Variants in SYT17 observed in about 807,000 individuals in gnomAD.
SYT17 encodes synaptotagmin-17.
SYT17 carries 22 observed loss-of-function variants against 46.7 expected under a neutral mutation model. The observed-to-expected ratio is 0.47, with a 90% CI of 0.34 to 0.67. The LOEUF (loss-of-function observed/expected upper bound fraction) is 0.67. Ranked by LOEUF, SYT17 falls within the 30% of genes least tolerant of loss-of-function variation. SYT17 has a pLI of 0.01. For missense variants in SYT17, 519 were observed against 612.8 expected (o/e 0.85, Z 1.62); for synonymous variants, 251 against 248.4 (o/e 1.01, Z -0.10).
rs140419355 is a variant in SYT17, at chr16:19,181,447, C to G, written c.331+908C>G. Among the ~76,000 whole-genome samples, 117 of 148,164 alleles carry G rather than the reference C, an allele frequency of 7.9e-4. No individual in the cohort carries two copies. In the East Asian group the frequency reaches 8.2e-3, roughly 10 times the overall value. ...GGAGATCATTGGTGTCCAACCTTTC[C>G]TGGGGATAGAGGGAAAAGAAAAAAG... On this transcript the variant is annotated intron_variant, in intron 4 of 7. Transcript: ENST00000355377.
chr16:19,172,677 T>C, intron 1 of SYT17, 83 bp from the exon 2 acceptor site: 1 of 1,591,652 alleles, frequency 6.3e-7, no homozygotes, highest in South Asian at 1.2e-5. Context: ...TGCTGGAATA[T>C]TGCTAAACTG....
chr16:19,246,680 CTCTTT>C (rs1967600987), intron 7 of SYT17, among the ~76,000 whole-genome samples: 1 of 152,186 alleles, frequency 6.6e-6, no homozygotes, highest in African/African-American at 2.4e-5. Context: ...TATCTCTACT[CTCTTT>C]TGTTAGCATC....
chr16:19,195,882 G>A (rs1965220835), intron 5 of SYT17, among the ~76,000 whole-genome samples: 1 of 152,110 alleles, frequency 6.6e-6, no homozygotes, highest in Non-Finnish European at 1.5e-5. Context: ...CAACTCGGGA[G>A]GCTAAGGTGG....
In SYT17 at chr16:19,183,699, G is replaced by C; in HGVS notation, c.503G>C (p.Ser168Thr). Residue 168 changes from serine (S) to threonine (T), a missense_variant, in exon 5 of 8, where the codon AGC (serine) becomes ACC (threonine). Physicochemically the swap from Ser to Thr is moderately conservative, Grantham distance 58. Transcript: ENST00000355377. The surrounding 1 kb of genome is among the most constrained non-coding windows in gnomAD (Gnocchi z 5.6). ...CACCTGTACTCCCTCGACTCCAACA[G>C]CGACGATGTGGACTCTCTGACAGAC... ...EPHLYSLDSN[S>T]DDVDSLTDEE... 6.2e-7 allele frequency: 1 copy of C among 1,614,198 alleles called. No individual in the cohort carries two copies. The highest frequency in any genetic ancestry group is 2.2e-5 in the East Asian group (1 of 44,878).
chr16:19,202,888 G>C (rs1268977927), intron 5 of SYT17, among the ~76,000 whole-genome samples: 1 of 152,116 alleles, frequency 6.6e-6, no homozygotes, highest in Non-Finnish European at 1.5e-5. Flanking sequence ...ACCATGCCTT[G>C]CTAATTTTTT....
At chr16:19,227,608 C>T (rs552471606) in intron 7 of SYT17, among the ~76,000 whole-genome samples, 11 of 152,276 alleles carry the variant, frequency 7.2e-5, no homozygotes, top group Admixed American at 2.6e-4. Context: ...TGAGCCACCA[C>T]GCCTGGCCTA....
chr16:19,191,540 C>T (rs769326327), intron 5 of SYT17, among the ~76,000 whole-genome samples: 16 of 152,104 alleles, frequency 1.1e-4, no homozygotes, highest in African/African-American at 2.4e-4. Flanking sequence ...GTTTTCAAGC[C>T]GCCCAGTTGA....
chr16:19,186,584 C>T (rs548732039), intron 5 of SYT17, among the ~76,000 whole-genome samples: 10 of 152,362 alleles, frequency 6.6e-5, no homozygotes, highest in Middle Eastern at 3.4e-3. Context: ...CCGTCACACT[C>T]GGGCTTCCAG....
At chr16:19,244,864 C>G (rs1408587736) in intron 7 of SYT17, among the ~76,000 whole-genome samples, 1 of 152,142 alleles carries the variant, frequency 6.6e-6, no homozygotes, top group Non-Finnish European at 1.5e-5. Flanking sequence ...CTTCCACTTC[C>G]AATTCTATTC....
In SYT17 at chr16:19,242,909, G is replaced by A. The variant is rs1478916886; in HGVS notation, c.1228+18071G>A. On this transcript the variant is annotated intron_variant, in intron 7 of 7. Coordinates refer to ENST00000355377, the MANE Select transcript of SYT17 (RefSeq NM_016524.4). ...GAGGAAACAGAACTGAAGAAGAGATGTGGCTCCTGGCTCCATGAAGAACTG... is the reference window on the plus strand; with the variant it reads ...GAGGAAACAGAACTGAAGAAGAGATATGGCTCCTGGCTCCATGAAGAACTG... Among the ~76,000 whole-genome samples, 7 of 152,104 alleles carry A rather than the reference G, an allele frequency of 4.6e-5. No individual in the cohort carries two copies. The South Asian group carries it at 6.2e-4, about 14-fold the overall frequency.
intron 7 of SYT17, among the ~76,000 whole-genome samples, chr16:19,233,252 T>C (rs150714416): frequency 6.6e-6 from 1 of 151,988 alleles, no homozygotes; most frequent in African/African-American, 2.4e-5. Flanking sequence ...TGAGATGAGA[T>C]GGGTGGGAAG....
Position 19,176,881 on chromosome 16 carries a change from G to A in SYT17, c.182+3303G>A, listed in dbSNP as rs548125878. Among the ~76,000 whole-genome samples the A allele has an allele frequency of 2.0e-5, 3 of 152,296 alleles. No homozygotes were observed. The South Asian group carries it at 6.2e-4, about 32-fold the overall frequency. ...ATCTCAACTCCACACACACCTGTAG[G>A]ATTCAGGCCACAACTACATCTAGGA... On this transcript the variant is annotated intron_variant, in intron 3 of 7. Coordinates refer to ENST00000355377, the MANE Select transcript of SYT17 (RefSeq NM_016524.4).
intron 3 of SYT17, among the ~76,000 whole-genome samples, chr16:19,178,722 G>GA (rs1364861079): frequency 6.6e-6 from 1 of 152,162 alleles, no homozygotes; most frequent in Non-Finnish European, 1.5e-5. Context: ...TCAAGTTGGG[G>GA]GGTATGCAGC....
intron 7 of SYT17, among the ~76,000 whole-genome samples, chr16:19,235,425 G>A (rs1344191833): frequency 1.3e-5 from 2 of 152,148 alleles, no homozygotes; most frequent in Non-Finnish European, 2.9e-5. Flanking sequence ...GATAGAACTT[G>A]TAGCCTGAAC....
chr16:19,224,128 C>A (rs1381571101), intron 6 of SYT17, among the ~76,000 whole-genome samples: 1 of 152,218 alleles, frequency 6.6e-6, no homozygotes, highest in East Asian at 1.9e-4. Flanking sequence ...TCTGCCATCT[C>A]TATTCACCTG....
chr16:19,190,962 TA>T (rs1168329573), intron 5 of SYT17, among the ~76,000 whole-genome samples: 1 of 152,124 alleles, frequency 6.6e-6, no homozygotes, highest in Non-Finnish European at 1.5e-5. Flanking sequence ...TGTGTTTTTT[TA>T]AGCCATAAAA....
chr16:19,186,861 G>A (rs1191510011), intron 5 of SYT17, among the ~76,000 whole-genome samples: 1 of 151,798 alleles, frequency 6.6e-6, no homozygotes, highest in Non-Finnish European at 1.5e-5. Context: ...GTCCTATTAT[G>A]TGCCCGGCAT....
intron 7 of SYT17, among the ~76,000 whole-genome samples, chr16:19,243,633 A>AG (rs1967298758): frequency 6.6e-6 from 1 of 151,788 alleles, no homozygotes; most frequent in Non-Finnish European, 1.5e-5. Flanking sequence ...AGCCTGACCA[A>AG]CCTGGAGAAG....
At chr16:19,173,378 G>GGCCCCC in intron 2 of SYT17, 52 bp from the exon 3 acceptor site, 13 of 222,874 alleles carry the variant, frequency 5.8e-5, no homozygotes, top group Admixed American at 9.1e-5. Flanking sequence ...TCCCCACCCT[G>GGCCCCC]CCCACCTCCC....
Sources: gnomAD v4.1 joint callset for allele counts (sites outside exome capture counted in the v4.1 genomes callset) on GRCh38, gnomAD v4.1.1 for gene constraint, Gnocchi (gnomAD v3.1) non-coding constraint, MANE v1.5 for transcripts, NCBI Gene and HGNC (gene_info 2026-07-23, HGNC 2026-07-21) for gene names.